The following EIF2S2 variants were observed in gnomAD, a reference collection of about 807,000 sequenced individuals.
The protein encoded by EIF2S2 is eukaryotic translation initiation factor 2 subunit 2.
In EIF2S2, 4 loss-of-function variants were observed where a neutral mutation model predicts 44.0. The ratio of observed to expected loss-of-function variants is 0.09; its 90% CI spans 0.04 to 0.21. The LOEUF (loss-of-function observed/expected upper bound fraction) is 0.21. EIF2S2 is among the 10% of genes least tolerant of loss of function. EIF2S2 has a pLI of 1.00. For synonymous variants in EIF2S2, 108 were observed against 128.3 expected, an observed-to-expected ratio of 0.84 and a Z score of 1.07; for missense variants, 154 against 392.0, an observed-to-expected ratio of 0.39 and a Z score of 5.13.
rs1199005574 is a variant in EIF2S2, at chr20:34,112,160, C to A, written c.-50G>T. On this transcript the variant is annotated 5_prime_UTR_variant, in exon 1 of 9. Transcript: ENST00000374980. ...ACGGACGGGAAGTCAGACGGGTCAG[C>A]CCCAGGCCCCGGCGGCAGCGCTGCC... The A allele has an allele frequency of 6.6e-7, 1 of 1,509,234 alleles. No individual in the cohort carries two copies. The highest frequency in any genetic ancestry group is 8.9e-7 in the Non-Finnish European group (1 of 1,121,300). 93.5% of individuals were successfully genotyped at this position (1,509,234 alleles called of 1,614,324 possible).
At chr20:34,098,224 C>T (rs1019612397) in intron 4 of EIF2S2, among the ~76,000 whole-genome samples, 3 of 147,042 alleles carry the variant, frequency 2.0e-5, no homozygotes, top group African/African-American at 5.1e-5. Context: ...TCAGCCTGGG[C>T]GACAAGAGTG....
chr20:34,101,502 G>C (rs1250793449), intron 3 of EIF2S2, among the ~76,000 whole-genome samples: 3 of 151,982 alleles, frequency 2.0e-5, no homozygotes, highest in Non-Finnish European at 4.4e-5. Flanking sequence ...CAGGACACCA[G>C]ATACTCACCT....
chr20:34,096,462 T>C (rs1400845774), intron 6 of EIF2S2, among the ~76,000 whole-genome samples, 195 bp downstream of exon 6: 1 of 152,076 alleles, frequency 6.6e-6, no homozygotes, highest in Non-Finnish European at 1.5e-5. Context: ...AAGACCGTTA[T>C]CTTTAATAAA....
At chr20:34,104,536 G>A (rs189145961) in intron 2 of EIF2S2, among the ~76,000 whole-genome samples, 98 of 152,206 alleles carry the variant, frequency 6.4e-4, no homozygotes, top group Middle Eastern at 3.4e-3. Flanking sequence ...ACATTTTATT[G>A]AATCAACTAA....
chr20:34,107,438 T>C (rs912839035), intron 1 of EIF2S2, among the ~76,000 whole-genome samples: 1 of 152,178 alleles, frequency 6.6e-6, no homozygotes, highest in Non-Finnish European at 1.5e-5. Context: ...ATGTGTAAAA[T>C]GGAGACAAGT....
chr20:34,097,190 A>G (rs1321696367), intron 5 of EIF2S2, among the ~76,000 whole-genome samples: 5 of 152,212 alleles, frequency 3.3e-5, no homozygotes, highest in Non-Finnish European at 7.3e-5. Flanking sequence ...TCAGCAGTCC[A>G]CAAATTCAGG....
intron 3 of EIF2S2, among the ~76,000 whole-genome samples, chr20:34,100,571 G>C (rs1042815080): frequency 6.6e-6 from 1 of 151,060 alleles, no homozygotes; most frequent in Non-Finnish European, 1.5e-5. Context: ...TCTCATTAGC[G>C]TACCAAAGAC....
intron 7 of EIF2S2, among the ~76,000 whole-genome samples, chr20:34,092,095 G>C (rs935221670): frequency 6.6e-6 from 1 of 152,100 alleles, no homozygotes; most frequent in African/African-American, 2.4e-5. Flanking sequence ...AGTCAAGCAG[G>C]GTTAAATTTC....
chr20:34,095,126 T>C (rs935927564), intron 6 of EIF2S2, among the ~76,000 whole-genome samples: 1 of 152,210 alleles, frequency 6.6e-6, no homozygotes, highest in African/African-American at 2.4e-5. Context: ...GTCCAACTTA[T>C]GGAACTGTTA....
Position 34,089,515 on chromosome 20 carries a change from C to T in EIF2S2, c.*215G>A, listed in dbSNP as rs1009696271. The T allele has an allele frequency of 7.5e-6, 4 of 531,802 alleles. No individual in the cohort carries two copies. The highest frequency in any genetic ancestry group is 5.9e-5 in the African/African-American group (3 of 50,946). The allele number at this position is 531,802 out of a possible 1,614,324, so 32.9% of individuals were successfully genotyped here. A position where few individuals can be genotyped will look rare whatever the true frequency, so the allele number is the denominator to read the frequency against. On this transcript the variant is annotated 3_prime_UTR_variant, in exon 9 of 9. Coordinates refer to ENST00000374980, the MANE Select transcript of EIF2S2 (RefSeq NM_003908.5). ...ACGATTTTAAAAAAGCACCTCCTTA[C>T]CCCATATCACGTTTCTCTGACAGGT...
At chr20:34,093,531 G>T in intron 7 of EIF2S2, 144 bp downstream of exon 7, 1 of 658,492 alleles carries the variant, frequency 1.5e-6, no homozygotes, top group Non-Finnish European at 2.5e-6. Flanking sequence ...CCACAGAAAT[G>T]AAGTGATTTC....
intron 1 of EIF2S2, among the ~76,000 whole-genome samples, chr20:34,111,701 CGGCACCCCT>C (rs1356415295): frequency 6.6e-6 from 1 of 152,254 alleles, no homozygotes; most frequent in Admixed American, 6.5e-5. Context: ...AGGCTCCTCG[CGGCACCCCT>C]GGCACCCCCG....
chr20:34,101,959 G>A (rs1222515019), intron 3 of EIF2S2, among the ~76,000 whole-genome samples: 1 of 152,150 alleles, frequency 6.6e-6, no homozygotes, highest in Non-Finnish European at 1.5e-5. Context: ...ACAGGCATGA[G>A]ACAGCACGTC....
chr20:34,091,211 A>G (rs952298104), intron 7 of EIF2S2, among the ~76,000 whole-genome samples: 2 of 152,232 alleles, frequency 1.3e-5, no homozygotes, highest in Middle Eastern at 3.2e-3. Flanking sequence ...CCAACAAAGG[A>G]AAAAATCTTT....
intron 3 of EIF2S2, among the ~76,000 whole-genome samples, chr20:34,102,568 G>A (rs945792327): frequency 2.0e-5 from 3 of 152,158 alleles, no homozygotes; most frequent in Non-Finnish European, 2.9e-5. Context: ...ATGAATTACT[G>A]TATACATTTC....
At chr20:34,103,089 A>G (rs1486686112) in intron 3 of EIF2S2, among the ~76,000 whole-genome samples, 1 of 152,180 alleles carries the variant, frequency 6.6e-6, no homozygotes, top group East Asian at 1.9e-4. Flanking sequence ...AGGTACACAT[A>G]TCAATTTGTA....
intron 6 of EIF2S2, among the ~76,000 whole-genome samples, chr20:34,094,920 A>G (rs1019196343): frequency 1.3e-5 from 2 of 152,346 alleles, no homozygotes; most frequent in East Asian, 3.9e-4. Context: ...AAGCTCCTAC[A>G]TTGCTAGCGG....
intron 4 of EIF2S2, among the ~76,000 whole-genome samples, chr20:34,098,152 G>A (rs1358440680): frequency 1.3e-5 from 2 of 151,856 alleles, no homozygotes; most frequent in Admixed American, 6.6e-5. Context: ...AGGCTGAGGC[G>A]GGAGAATCGC....
At chr20:34,090,782 T>A (rs915310328) in intron 7 of EIF2S2, among the ~76,000 whole-genome samples, 180 bp from the exon 8 acceptor site, 4 of 152,184 alleles carry the variant, frequency 2.6e-5, no homozygotes, top group African/African-American at 9.7e-5. Context: ...GGTCTCACAC[T>A]CTGTCGCCCA....
Sources: gnomAD v4.1 joint callset for allele counts (sites outside exome capture counted in the v4.1 genomes callset) on GRCh38, gnomAD v4.1.1 for gene constraint, MANE v1.5 for transcripts, NCBI Gene and HGNC (gene_info 2026-07-23, HGNC 2026-07-21) for gene names.